The following SLC2A13 variants were observed in gnomAD, a reference collection of about 807,000 sequenced individuals.
The protein encoded by SLC2A13 is solute carrier family 2 member 13, also known as proton myo-inositol cotransporter.
A neutral mutation model predicts 64.4 loss-of-function variants in SLC2A13; 32 were observed. The ratio of observed to expected loss-of-function variants is 0.50; its 90% CI spans 0.37 to 0.67. The LOEUF (loss-of-function observed/expected upper bound fraction) is 0.67. Among genes scored for constraint, SLC2A13 ranks in the 30% least tolerant of loss-of-function variants. SLC2A13 has a pLI of 0.00. For synonymous variants in SLC2A13, 338 were observed against 327.1 expected, an observed-to-expected ratio of 1.03 and a Z score of -0.36; for missense variants, 743 against 829.2, an observed-to-expected ratio of 0.90 and a Z score of 1.28.
At chr12:39,990,161 G>A (rs1214334781) in intron 3 of SLC2A13, among the ~76,000 whole-genome samples, 1 of 152,088 alleles carries the variant, frequency 6.6e-6, no homozygotes, top group African/African-American at 2.4e-5. Context: ...TCAAATATTA[G>A]TTCCTTTTAT....
At chr12:39,909,338 A>G (rs928859077) in intron 4 of SLC2A13, among the ~76,000 whole-genome samples, 4 of 152,018 alleles carry the variant, frequency 2.6e-5, no homozygotes, top group African/African-American at 4.8e-5. Flanking sequence ...GACATTTACA[A>G]TGGGACTAGC....
rs989815793 is a variant in SLC2A13 at position 40,048,268 on chromosome 12, A to C, written c.557-58T>G. On this transcript the variant is annotated intron_variant, in intron 1 of 9. Transcript: ENST00000280871. ...TTTACTCAAGATTTCTGTTGCAATA[A>C]ATACTAATGCTAGATTTAGGCATAC... 2.0e-6 allele frequency: 3 copies of C among 1,522,418 alleles called. No individual in the cohort carries two copies. The African/African-American group carries it at 4.1e-5, about 21-fold the overall frequency. The allele number at this position is 1,522,418 out of a possible 1,614,324, so 94.3% of individuals were successfully genotyped here.
chr12:40,000,576 G>T (rs1217483481), intron 3 of SLC2A13, among the ~76,000 whole-genome samples: 2 of 152,116 alleles, frequency 1.3e-5, no homozygotes, highest in African/African-American at 4.8e-5. Context: ...CAGTTCTAGA[G>T]GCTCAAAGTC....
At position 39,994,387 on chromosome 12, in the gene SLC2A13, A is replaced by AAAAAAAAAAAC. The variant is rs1555148644; in HGVS notation, c.925+33913_925+33914insGTTTTTTTTTT. Among the ~76,000 whole-genome samples, 25 of 151,714 alleles carry AAAAAAAAAAAC rather than the reference A, an allele frequency of 1.6e-4. No individual in the cohort carries two copies. In the East Asian group the frequency reaches 4.3e-3, roughly 26 times the overall value. On this transcript the variant is annotated intron_variant, in intron 3 of 9. Transcript: ENST00000280871. ...AACAGAGCGAGACTCCATCTCAAAA[A>AAAAAAAAAAAC]AAAAAAAAACAAAAAAAAACTAATC...
intron 1 of SLC2A13, among the ~76,000 whole-genome samples, chr12:40,089,621 T>TC (rs1293005783): frequency 2.0e-5 from 3 of 152,180 alleles, no homozygotes; most frequent in Non-Finnish European, 4.4e-5. Context: ...ACTGACCGCC[T>TC]CCCTGTATAG....
intron 7 of SLC2A13, among the ~76,000 whole-genome samples, chr12:39,810,925 A>G (rs1347090878): frequency 6.6e-6 from 1 of 152,140 alleles, no homozygotes; most frequent in Non-Finnish European, 1.5e-5. Context: ...GGTAATGAAG[A>G]TAAAACCAAC....
intron 2 of SLC2A13, among the ~76,000 whole-genome samples, chr12:40,043,528 C>A (rs1196237619): frequency 1.3e-5 from 2 of 151,980 alleles, no homozygotes; most frequent in Admixed American, 1.3e-4. Flanking sequence ...TTTAAATCTG[C>A]AAAATGAGAA....
At position 39,860,509 on chromosome 12, in the gene SLC2A13, G is replaced by A. The variant is rs542128715; in HGVS notation, c.1319+4253C>T. Among the ~76,000 whole-genome samples the A allele has an allele frequency of 3.7e-4, 56 of 152,130 alleles. 1 individual carries two copies. Among genetic ancestry groups the A allele is most frequent in the East Asian group, 7.7e-4 (4 of 5,174 alleles). On this transcript the variant is annotated intron_variant, in intron 6 of 9. Coordinates refer to ENST00000280871, the MANE Select transcript of SLC2A13 (RefSeq NM_052885.4). The stretch of plus-strand genomic sequence containing the variant: ...CATTCTAGAACTCTCCTCCAACTAC[G>A]GGCCAGTTTTCCCAAATACCTATTC...
At chr12:39,926,073 T>G (rs904055552) in intron 4 of SLC2A13, among the ~76,000 whole-genome samples, 1 of 152,132 alleles carries the variant, frequency 6.6e-6, no homozygotes, top group Non-Finnish European at 1.5e-5. Flanking sequence ...TAAGTACTCA[T>G]AACACTGAAG....
Position 39,881,491 on chromosome 12 carries a change from C to T in SLC2A13, c.1035-9530G>A, listed in dbSNP as rs189256606. Among the ~76,000 whole-genome samples the T allele has an allele frequency of 2.6e-3, 390 of 152,262 alleles. 2 individuals are homozygous for T. The highest frequency in any genetic ancestry group is 3.5e-3 in the Non-Finnish European group (237 of 68,008). Reference sequence around the variant, plus strand: ...TCTTGTCAGACAACACTTTTCACCTCGCCTCATCATGTCTCAATTATCTGC... The same window carrying T: ...TCTTGTCAGACAACACTTTTCACCTTGCCTCATCATGTCTCAATTATCTGC... On this transcript the variant is annotated intron_variant, in intron 4 of 9. Transcript: ENST00000280871.
intron 3 of SLC2A13, among the ~76,000 whole-genome samples, chr12:39,974,621 T>C (rs1946729469): frequency 6.6e-6 from 1 of 152,206 alleles, no homozygotes; most frequent in African/African-American, 2.4e-5. Context: ...AAGCACTTCA[T>C]TGAGACTCTA....
chr12:40,045,133 T>A (rs1446688743), intron 2 of SLC2A13, among the ~76,000 whole-genome samples: 2 of 152,206 alleles, frequency 1.3e-5, no homozygotes, highest in Non-Finnish European at 1.5e-5. Flanking sequence ...GACCAGTAAA[T>A]CTGGGACACT....
chr12:39,821,884 A>G (rs2135828741), intron 7 of SLC2A13, among the ~76,000 whole-genome samples: 1 of 152,174 alleles, frequency 6.6e-6, no homozygotes, highest in Non-Finnish European at 1.5e-5. Context: ...AGAATAGAAG[A>G]TAGTTGAATA....
At chr12:39,846,388 T>A (rs1943315331) in intron 6 of SLC2A13, among the ~76,000 whole-genome samples, 1 of 152,166 alleles carries the variant, frequency 6.6e-6, no homozygotes, top group Non-Finnish European at 1.5e-5. Flanking sequence ...TAGAGAAAGA[T>A]CTTTCTCAGT....
rs114357609 is a variant in SLC2A13 at position 39,839,629 on chromosome 12, T to A, written c.1320-9401A>T. Among the ~76,000 whole-genome samples the A allele has an allele frequency of 6.1e-3, 927 of 152,154 alleles. 11 individuals carry two copies. The highest frequency in any genetic ancestry group is 0.021 in the African/African-American group (879 of 41,524). ...GCTGCTTGACACTATTCCCTTTGTT[T>A]CTCCCACCTCTCAGATAGTGGCATC... On this transcript the variant is annotated intron_variant, in intron 6 of 9. Transcript: ENST00000280871.
At chr12:39,917,243 AG>A (rs11366221) in intron 4 of SLC2A13, among the ~76,000 whole-genome samples, 147,025 of 152,138 alleles carry the variant, frequency 0.97, 71,288 homozygotes, top group East Asian at 1. Context: ...ATGATGAAAT[AG>A]TGTTCTTACA....
intron 3 of SLC2A13, among the ~76,000 whole-genome samples, chr12:39,971,263 C>T (rs1019575043): frequency 5.3e-5 from 8 of 152,126 alleles, no homozygotes; most frequent in Non-Finnish European, 1.2e-4. Flanking sequence ...GTCATTGAAT[C>T]ATTCGTAATT....
At chr12:39,777,098 G>A (rs1031088033) in intron 7 of SLC2A13, among the ~76,000 whole-genome samples, 5 of 152,166 alleles carry the variant, frequency 3.3e-5, no homozygotes, top group Non-Finnish European at 7.3e-5. Context: ...TTCGGAATCT[G>A]CGTCCTTGTC....
intron 7 of SLC2A13, among the ~76,000 whole-genome samples, chr12:39,800,500 C>T (rs1219430128): frequency 7.7e-6 from 1 of 129,512 alleles, no homozygotes; most frequent in Non-Finnish European, 1.6e-5. Flanking sequence ...AAGAAATGCT[C>T]ATCATCACTG....
Sources: gnomAD v4.1 joint callset for allele counts (sites outside exome capture counted in the v4.1 genomes callset) on GRCh38, gnomAD v4.1.1 for gene constraint, MANE v1.5 for transcripts, NCBI Gene and HGNC (gene_info 2026-07-23, HGNC 2026-07-21) for gene names.